The following NBAS variants were observed in gnomAD, a reference collection of about 807,000 sequenced individuals.
The protein encoded by NBAS is NBAS subunit of NRZ tethering complex, also known as NAG/BC035112 fusion.
Under a neutral mutation model 302.5 loss-of-function variants are expected in NBAS, and 219 were observed. The ratio of observed to expected loss-of-function variants is 0.72; its 90% CI spans 0.65 to 0.81. NBAS has a LOEUF of 0.81. NBAS is among the 30% of genes least tolerant of loss of function. The probability of loss-of-function intolerance (pLI) is 0.00; values close to 1 mark genes in which losing one functional copy is unlikely to be tolerated. For synonymous variants in NBAS, 1,118 were observed against 1,021.6 expected (o/e 1.09, Z -1.80); for missense variants, 2,932 against 2,841.6 (o/e 1.03, Z -0.72).
At chr2:15,068,398 G>T in the NBAS span, among the ~76,000 whole-genome samples, 1 of 152,254 alleles carries the variant, frequency 6.6e-6, no homozygotes, top group African/African-American at 2.4e-5. Context: ...ACCGAGGAAG[G>T]CAAGTGCTCA....
the NBAS span, among the ~76,000 whole-genome samples, chr2:14,875,392 C>T: frequency 3.3e-5 from 5 of 151,984 alleles, no homozygotes; most frequent in Admixed American, 2.0e-4. Context: ...GGGCAGGTGG[C>T]GAACACGAGG....
chr2:15,536,694 A>G (rs1016317658), intron 7 of NBAS, 143 bp from the exon 8 acceptor site: 9 of 810,862 alleles, frequency 1.1e-5, no homozygotes, highest in Non-Finnish European at 1.2e-5. Context: ...TATACTCAAG[A>G]ATCATGCAAG....
At chr2:15,209,147 C>T (rs1042831310) in intron 48 of NBAS, among the ~76,000 whole-genome samples, 5 of 151,936 alleles carry the variant, frequency 3.3e-5, no homozygotes, top group African/African-American at 1.2e-4. Flanking sequence ...ACTCAAAGGA[C>T]CATTAGTGGC....
chr2:15,128,783 C>T, the NBAS span, among the ~76,000 whole-genome samples: 66 of 152,260 alleles, frequency 4.3e-4, no homozygotes, highest in Non-Finnish European at 7.5e-4. Context: ...CAAAGTTTGG[C>T]GGGGCAACTG....
chr2:14,888,455 C>T, the NBAS span, among the ~76,000 whole-genome samples: 8 of 144,920 alleles, frequency 5.5e-5, no homozygotes, highest in Non-Finnish European at 9.2e-5. Flanking sequence ...CCGGCCCCCC[C>T]TTTTTTTTTT....
chr2:15,167,865 C>G (rs1314427742), intron 51 of NBAS, among the ~76,000 whole-genome samples: 3 of 152,128 alleles, frequency 2.0e-5, no homozygotes, highest in Non-Finnish European at 4.4e-5. Flanking sequence ...TTTTTTGGAA[C>G]AAGAAAACCT....
the NBAS span, among the ~76,000 whole-genome samples, chr2:15,105,721 C>T: frequency 6.6e-6 from 1 of 152,094 alleles, no homozygotes. Context: ...TAGGCACAAC[C>T]ACAATTCTCT....
chr2:15,051,956 C>T, the NBAS span, among the ~76,000 whole-genome samples: 24 of 152,090 alleles, frequency 1.6e-4, no homozygotes, highest in South Asian at 5.0e-3. Context: ...TCTTTCTTTT[C>T]CCTGGTTGCA....
At chr2:14,818,780 T>C in the NBAS span, among the ~76,000 whole-genome samples, 8 of 152,316 alleles carry the variant, frequency 5.3e-5, no homozygotes, top group African/African-American at 1.9e-4. Flanking sequence ...CTGAGGATAC[T>C]TGGAGATGAC....
chr2:14,900,376 C>T, the NBAS span, among the ~76,000 whole-genome samples: 1 of 152,106 alleles, frequency 6.6e-6, no homozygotes, highest in African/African-American at 2.4e-5. Flanking sequence ...AAGGCTTACT[C>T]TGTTCCAAGA....
the NBAS span, among the ~76,000 whole-genome samples, chr2:14,787,578 T>C: frequency 1.3e-5 from 2 of 152,212 alleles, no homozygotes; most frequent in Admixed American, 6.5e-5. Context: ...CCTTCACTTA[T>C]GAAGCTTAGT....
chr2:15,020,349 C>T, the NBAS span, among the ~76,000 whole-genome samples: 1 of 152,106 alleles, frequency 6.6e-6, no homozygotes, highest in Non-Finnish European at 1.5e-5. Context: ...TAAATGGAAA[C>T]CAATGTCATA....
chr2:15,552,755 C>A (rs6725454), intron 5 of NBAS, among the ~76,000 whole-genome samples: 96,291 of 151,130 alleles, frequency 0.64, 31,400 homozygotes, highest in Non-Finnish European at 0.68. Flanking sequence ...ACTCATATTC[C>A]ATCTACAGTT....
the NBAS span, among the ~76,000 whole-genome samples, chr2:14,807,440 C>T: frequency 7.8e-6 from 1 of 128,526 alleles, no homozygotes; most frequent in Non-Finnish European, 1.6e-5. Flanking sequence ...TTTCAAATCC[C>T]GTGTGTGTGT....
chr2:14,970,555 C>G, the NBAS span, among the ~76,000 whole-genome samples: 6 of 152,204 alleles, frequency 3.9e-5, no homozygotes, highest in Admixed American at 3.9e-4. Flanking sequence ...TCTAATAGAA[C>G]ACAGGAGTAG....
chr2:14,992,305 C>CA, the NBAS span, among the ~76,000 whole-genome samples: 1 of 152,146 alleles, frequency 6.6e-6, no homozygotes, highest in Admixed American at 6.5e-5. Flanking sequence ...GATGGGTGTT[C>CA]AGCTAGGTGC....
intron 25 of NBAS, among the ~76,000 whole-genome samples, chr2:15,415,209 T>C (rs1456985800): frequency 6.6e-6 from 1 of 152,176 alleles, no homozygotes; most frequent in East Asian, 1.9e-4. Context: ...AAAGTATCTA[T>C]GCCATAGGAT....
chr2:15,225,207 A>G (rs1259756686), intron 47 of NBAS, among the ~76,000 whole-genome samples: 1 of 152,230 alleles, frequency 6.6e-6, no homozygotes, highest in Non-Finnish European at 1.5e-5. Context: ...TAATTAAAAA[A>G]CAAAACAGAG....
chr2:15,467,525 G>T, intron 18 of NBAS, 118 bp from the exon 19 acceptor site: 3 of 1,279,796 alleles, frequency 2.3e-6, no homozygotes, highest in Non-Finnish European at 3.4e-6. Flanking sequence ...GTTCAGAAAA[G>T]CACAAGGGTA....
Sources: gnomAD v4.1 joint callset for allele counts (sites outside exome capture counted in the v4.1 genomes callset) on GRCh38, gnomAD v4.1.1 for gene constraint, MANE v1.5 for transcripts, NCBI Gene and HGNC (gene_info 2026-07-23, HGNC 2026-07-21) for gene names.